Variants in CYRIB observed in about 807,000 individuals in gnomAD.
CYRIB encodes CYFIP related Rac1 interactor B, also known as CYFIP-related Rac1 interactor B.
Under a neutral mutation model 44.2 loss-of-function variants are expected in CYRIB, and 8 were observed. The observed-to-expected ratio is 0.18, with a 90% CI of 0.11 to 0.33. The LOEUF is 0.33. CYRIB is among the 10% of genes least tolerant of loss of function. The probability of loss-of-function intolerance (pLI) is 1.00; values close to 1 mark genes in which losing one functional copy is unlikely to be tolerated. For synonymous variants in CYRIB, 131 were observed against 127.2 expected (o/e 1.03, Z -0.20); for missense variants, 185 against 382.8 (o/e 0.48, Z 4.31).
Position 129,999,866 on chromosome 8 carries a change from C to A in CYRIB, c.-296+16504G>T, listed in dbSNP as rs150502308. ...CTGCTCTGGAACTCTTGGGCTCAAG[C>A]GATCCTCCCGCCTCTGCCTCCCAAA... is the stretch of plus-strand genomic sequence containing the variant. On this transcript the variant is annotated intron_variant, in intron 1 of 14. Coordinates refer to the CYRIB transcript ENST00000401979. Among the ~76,000 whole-genome samples, 1,274 of 152,258 alleles carry A rather than the reference C, an allele frequency of 8.4e-3. 16 individuals are homozygous for A. Among genetic ancestry groups the A allele is most frequent in the African/African-American group, 0.029 (1,211 of 41,542 alleles).
At chr8:129,885,614 C>T (rs960786728) in intron 2 of CYRIB, among the ~76,000 whole-genome samples, 1 of 152,104 alleles carries the variant, frequency 6.6e-6, no homozygotes, top group South Asian at 2.1e-4. Flanking sequence ...CCACTAGATA[C>T]CCCTTATCAC....
chr8:129,875,146 T>C (rs149550463), intron 3 of CYRIB, among the ~76,000 whole-genome samples: 19 of 152,214 alleles, frequency 1.2e-4, no homozygotes, highest in African/African-American at 4.6e-4. Flanking sequence ...TTTAGTGAGC[T>C]AGCAGTTATG....
At chr8:129,926,311 T>TCA (rs1433587217) in intron 1 of CYRIB, among the ~76,000 whole-genome samples, 2 of 152,226 alleles carry the variant, frequency 1.3e-5, no homozygotes, top group African/African-American at 4.8e-5. Flanking sequence ...TTATATAATT[T>TCA]CATTAAGCAA....
At chr8:129,864,287 C>T (rs189551163) in intron 4 of CYRIB, among the ~76,000 whole-genome samples, 2 of 152,322 alleles carry the variant, frequency 1.3e-5, no homozygotes, top group Admixed American at 1.3e-4. Flanking sequence ...CCTTTGTTCA[C>T]ATTCTATAGT....
At chr8:129,958,763 TAAAAAAAA>T (rs532997313) in intron 2 of CYRIB, among the ~76,000 whole-genome samples, 2 of 130,034 alleles carry the variant, frequency 1.5e-5, no homozygotes, top group Non-Finnish European at 3.3e-5. Flanking sequence ...ACCACTGGTT[TAAAAAAAA>T]AAAAAAAAAA....
chr8:129,906,449 A>C (rs2075433104), intron 1 of CYRIB, among the ~76,000 whole-genome samples: 2 of 152,234 alleles, frequency 1.3e-5, no homozygotes, highest in South Asian at 4.1e-4. Flanking sequence ...ACAAAAATTA[A>C]TTCAAGATGG....
chr8:129,880,879 A>G (rs1369252815), intron 2 of CYRIB, among the ~76,000 whole-genome samples: 1 of 152,234 alleles, frequency 6.6e-6, no homozygotes, highest in Non-Finnish European at 1.5e-5. Flanking sequence ...CCTATTGGGA[A>G]CACAAAGAAG....
chr8:129,949,199 A>C (rs1039010586), intron 2 of CYRIB: 1 of 152,222 alleles, frequency 6.6e-6, no homozygotes, highest in African/African-American at 2.4e-5. Context: ...TGTTTTACAG[A>C]AATACCATCA....
intron 1 of CYRIB, among the ~76,000 whole-genome samples, chr8:129,910,963 C>T (rs941604728): frequency 6.6e-6 from 1 of 152,216 alleles, no homozygotes. Flanking sequence ...CGGCCTCTCT[C>T]CCATTGTTTT....
At chr8:129,988,180 G>A (rs1409064865) in intron 1 of CYRIB, among the ~76,000 whole-genome samples, 1 of 152,202 alleles carries the variant, frequency 6.6e-6, no homozygotes, top group Non-Finnish European at 1.5e-5. Context: ...GTACGAAACT[G>A]CTACGTGATA....
chr8:129,944,602 G>A (rs958360757), upstream of CYRIB, among the ~76,000 whole-genome samples: 6 of 151,950 alleles, frequency 3.9e-5, no homozygotes, highest in Non-Finnish European at 5.9e-5. Context: ...GGCCAACATG[G>A]TGAAACCCCG....
chr8:129,874,745 T>C (rs1005167052), intron 3 of CYRIB, among the ~76,000 whole-genome samples: 8 of 152,030 alleles, frequency 5.3e-5, no homozygotes, highest in African/African-American at 1.2e-4. Flanking sequence ...GAAAAATAAA[T>C]ATAAGAAAGA....
intron 1 of CYRIB, among the ~76,000 whole-genome samples, chr8:129,985,610 C>T (rs2096427571): frequency 6.6e-6 from 1 of 151,950 alleles, no homozygotes; most frequent in Admixed American, 6.6e-5. Context: ...CAAATATTTG[C>T]ACACTCTCCA....
chr8:129,957,709 T>C (rs2094936868), intron 2 of CYRIB, among the ~76,000 whole-genome samples: 1 of 152,114 alleles, frequency 6.6e-6, no homozygotes, highest in Admixed American at 6.6e-5. Context: ...CACATGCCTG[T>C]AATCCCAGCA....
intron 1 of CYRIB, among the ~76,000 whole-genome samples, chr8:129,974,133 T>G (rs974825271): frequency 6.6e-6 from 1 of 151,890 alleles, no homozygotes; most frequent in Non-Finnish European, 1.5e-5. Context: ...GACCCAACAC[T>G]CCTCCCCACA....
intron 2 of CYRIB, among the ~76,000 whole-genome samples, chr8:129,959,546 G>A (rs2131655999): frequency 6.6e-6 from 1 of 152,240 alleles, no homozygotes; most frequent in African/African-American, 2.4e-5. Flanking sequence ...AGGCTGAGGT[G>A]AGAGGATGGC....
At chr8:129,924,559 C>T (rs1254855105) in intron 1 of CYRIB, among the ~76,000 whole-genome samples, 4 of 152,122 alleles carry the variant, frequency 2.6e-5, no homozygotes, top group Admixed American at 6.5e-5. Flanking sequence ...TTTTTGTCCA[C>T]GACTAGCCTT....
chr8:129,912,420 G>C (rs964253660), intron 1 of CYRIB: 1 of 150,684 alleles, frequency 6.6e-6, no homozygotes, highest in African/African-American at 2.5e-5. Context: ...GCAGTTATCT[G>C]AAATTACAAA....
At chr8:130,013,904 C>A (rs543574342) in intron 1 of CYRIB, among the ~76,000 whole-genome samples, 1 of 152,218 alleles carries the variant, frequency 6.6e-6, no homozygotes, top group Non-Finnish European at 1.5e-5. Flanking sequence ...TCAAAAGACA[C>A]GTACTGTTTC....
Sources: gnomAD v4.1 joint callset for allele counts (sites outside exome capture counted in the v4.1 genomes callset) on GRCh38, gnomAD v4.1.1 for gene constraint, MANE v1.5 for transcripts, NCBI Gene and HGNC (gene_info 2026-07-23, HGNC 2026-07-21) for gene names.